The following ADCY2 variants were observed in gnomAD, a reference collection of about 807,000 sequenced individuals.
The protein encoded by ADCY2 is adenylate cyclase type 2.
Under a neutral mutation model 125.2 loss-of-function variants are expected in ADCY2, and 31 were observed. The observed-to-expected ratio is 0.25, with a 90% confidence interval of 0.19 to 0.33. The LOEUF (loss-of-function observed/expected upper bound fraction) is 0.33, where lower values mean the gene tolerates loss of function less well. ADCY2 is among the 10% of genes least tolerant of loss of function. ADCY2 has a pLI of 1.00. For synonymous variants in ADCY2, 512 were observed against 548.4 expected (o/e 0.93, Z 0.93); for missense variants, 904 against 1,418.2 (o/e 0.64, Z 5.82).
Position 7,497,342 on chromosome 5 carries a change from T to C in ADCY2, c.409-23396T>C, listed in dbSNP as rs569082316. Among the ~76,000 whole-genome samples the C allele has an allele frequency of 1.2e-3, 189 of 152,286 alleles. 1 individual carries two copies. Among genetic ancestry groups the C allele is most frequent in the Middle Eastern group, 3.4e-3 (1 of 294 alleles). On this transcript the variant is annotated intron_variant, in intron 2 of 24. Coordinates refer to ENST00000338316, the MANE Select transcript of ADCY2 (RefSeq NM_020546.3). ...TGGTTTATAATTAAAAGAATAAAAA[T>C]GGATAGCTGGAACAGAAATAGTTTC...
intron 4 of ADCY2, among the ~76,000 whole-genome samples, chr5:7,676,998 C>T (rs1037060526): frequency 4.6e-5 from 7 of 152,080 alleles, no homozygotes; most frequent in East Asian, 1.9e-4. Flanking sequence ...TTAACCCAGC[C>T]GGGTGCGGTG....
At chr5:7,609,108 G>T (rs1431146833) in intron 3 of ADCY2, among the ~76,000 whole-genome samples, 2 of 152,160 alleles carry the variant, frequency 1.3e-5, no homozygotes, top group Non-Finnish European at 2.9e-5. Context: ...ATAGCTTCAT[G>T]GTTCCAGTTT....
chr5:7,766,923 A>G, intron 17 of ADCY2, 117 bp downstream of exon 17: 13 of 1,297,112 alleles, frequency 1.0e-5, no homozygotes, highest in Non-Finnish European at 1.3e-5. Context: ...CTCTGGTATC[A>G]ATCCCTGAGT....
intron 18 of ADCY2, among the ~76,000 whole-genome samples, chr5:7,773,425 C>T (rs191633736): frequency 6.6e-6 from 1 of 152,062 alleles, no homozygotes; most frequent in Admixed American, 6.6e-5. Context: ...TTCTCTGTTG[C>T]GGGCGCCGTC....
intron 11 of ADCY2, among the ~76,000 whole-genome samples, chr5:7,715,383 C>A (rs185976229): frequency 2.0e-5 from 3 of 152,314 alleles, no homozygotes; most frequent in Admixed American, 6.5e-5. Flanking sequence ...AACATTCTTA[C>A]ACTGCTCCTT....
rs1185874602 is a variant in ADCY2 at position 7,802,492 on chromosome 5, G to T, written c.2775+128G>T. ...CCTTTGGCATAATTTCTGGCAGATG[G>T]CATTAAAGCCTTTTGCTTTATTTAG... On this transcript the variant is annotated intron_variant, in intron 21 of 24. Coordinates refer to ENST00000338316, the MANE Select transcript of ADCY2 (RefSeq NM_020546.3). The surrounding 1 kb of genome is among the most constrained non-coding windows in gnomAD (Gnocchi z 4.6). 2 of 1,035,018 alleles carry T rather than the reference G, an allele frequency of 1.9e-6. No individual in the cohort carries two copies. Among genetic ancestry groups the T allele is most frequent in the Non-Finnish European group, 2.7e-6 (2 of 729,134 alleles). The allele number at this position is 1,035,018 out of a possible 1,614,324, so 64.1% of individuals were successfully genotyped here.
chr5:7,564,367 G>A (rs573228750), intron 3 of ADCY2, among the ~76,000 whole-genome samples: 93 of 152,298 alleles, frequency 6.1e-4, no homozygotes, highest in African/African-American at 2.1e-3. Context: ...AGAAGTTCAA[G>A]GGATTCATTG....
chr5:7,525,298 C>T (rs534077039), intron 3 of ADCY2, among the ~76,000 whole-genome samples: 53 of 152,302 alleles, frequency 3.5e-4, no homozygotes, highest in Admixed American at 7.8e-4. Context: ...TGAGCCACTG[C>T]GCTTGGCCAC....
intron 3 of ADCY2, among the ~76,000 whole-genome samples, chr5:7,522,912 C>A: frequency 7.3e-6 from 1 of 137,542 alleles, no homozygotes; most frequent in African/African-American, 2.7e-5. Context: ...GGCGACTGAG[C>A]AAAACTCCGT....
intron 2 of ADCY2, among the ~76,000 whole-genome samples, chr5:7,518,049 G>T (rs903647364): frequency 1.3e-5 from 2 of 152,116 alleles, no homozygotes; most frequent in Non-Finnish European, 2.9e-5. Context: ...CTGTAAATTG[G>T]GAGGGCAACA....
rs1189524385 is a variant in ADCY2, at chr5:7,613,269, CAAAT to C, written c.571-12896_571-12893del. On this transcript the variant is annotated intron_variant, in intron 3 of 24. Coordinates refer to ENST00000338316, the MANE Select transcript of ADCY2 (RefSeq NM_020546.3). ...CAGGAAACCAGAGATGGAGAAGGCA[CAAAT>C]AGCTCAACTACAGAAATGCAGGCTG... Among the ~76,000 whole-genome samples, 3 of 152,190 alleles carry C rather than the reference CAAAT, an allele frequency of 2.0e-5. No individual in the cohort carries two copies. In the East Asian group the frequency reaches 5.8e-4, roughly 29 times the overall value.
chr5:7,688,795 A>G (rs991705490), intron 4 of ADCY2, among the ~76,000 whole-genome samples: 4 of 152,214 alleles, frequency 2.6e-5, no homozygotes, highest in Admixed American at 1.3e-4. Flanking sequence ...CAGTGGAGGC[A>G]GTACTAGCAG....
rs186797164 is a variant in ADCY2 at position 7,759,345 on chromosome 5, C to T, written c.2094+1759C>T. ...AAAGGTGCCACCACAGCTACCTCCT[C>T]CAGCCACCTGCTCAGCCTCCAGAGC... is the stretch of plus-strand genomic sequence containing the variant. On this transcript the variant is annotated intron_variant, in intron 16 of 24. Coordinates refer to ENST00000338316, the MANE Select transcript of ADCY2 (RefSeq NM_020546.3). 1.7e-3 allele frequency among the ~76,000 whole-genome samples: 266 copies of T among 152,338 alleles called. 2 individuals carry two copies. Among genetic ancestry groups the T allele is most frequent in the African/African-American group, 6.3e-3 (260 of 41,580 alleles).
chr5:7,586,919 C>G (rs1221800839), intron 3 of ADCY2, among the ~76,000 whole-genome samples: 1 of 152,184 alleles, frequency 6.6e-6, no homozygotes, highest in Non-Finnish European at 1.5e-5. Context: ...GATGCAGTAT[C>G]ATCTAATTTA....
At chr5:7,445,991 G>A (rs561884117) in intron 2 of ADCY2, among the ~76,000 whole-genome samples, 142 of 152,068 alleles carry the variant, frequency 9.3e-4, no homozygotes, top group African/African-American at 3.0e-3. Context: ...TCATTGCATC[G>A]TCTAATACAT....
intron 3 of ADCY2, among the ~76,000 whole-genome samples, chr5:7,599,360 A>G (rs1235104999): frequency 2.0e-5 from 3 of 152,176 alleles, no homozygotes; most frequent in Non-Finnish European, 2.9e-5. Flanking sequence ...GAGCTTACTG[A>G]CTGTTGATGA....
intron 3 of ADCY2, among the ~76,000 whole-genome samples, chr5:7,531,907 G>C (rs377413892): frequency 6.6e-6 from 1 of 152,160 alleles, no homozygotes; most frequent in Admixed American, 6.5e-5. Flanking sequence ...CCCACAGTTG[G>C]ACTGCACTTG....
At chr5:7,807,873 G>A (rs1245216530) in intron 22 of ADCY2, among the ~76,000 whole-genome samples, 1 of 152,154 alleles carries the variant, frequency 6.6e-6, no homozygotes, top group Non-Finnish European at 1.5e-5. Context: ...CTTTTGTGCA[G>A]ACCAACCTGG....
intron 2 of ADCY2, among the ~76,000 whole-genome samples, chr5:7,472,872 C>T (rs1430105912): frequency 1.3e-5 from 2 of 152,126 alleles, no homozygotes; most frequent in East Asian, 1.9e-4. Context: ...TTAGGCTTCT[C>T]CTGTGTACCC....
Sources: gnomAD v4.1 joint callset for allele counts (sites outside exome capture counted in the v4.1 genomes callset) on GRCh38, gnomAD v4.1.1 for gene constraint, Gnocchi (gnomAD v3.1) non-coding constraint, MANE v1.5 for transcripts, NCBI Gene and HGNC (gene_info 2026-07-23, HGNC 2026-07-21) for gene names.